WNK1: variants seen among roughly 807,000 people sequenced by gnomAD.
WNK1 encodes serine/threonine-protein kinase WNK1.
In WNK1, 38 loss-of-function variants were observed where a neutral mutation model predicts 222.8. The ratio of observed to expected loss-of-function variants is 0.17; its 90% CI spans 0.13 to 0.22. The LOEUF is 0.22. Among genes scored for constraint, WNK1 ranks in the 10% least tolerant of loss-of-function variants. WNK1 has a pLI of 1.00. For missense variants in WNK1, 2,348 were observed against 2,918.4 expected, an observed-to-expected ratio of 0.80 and a Z score of 4.50; for synonymous variants, 1,090 against 1,092.9, an observed-to-expected ratio of 1.00 and a Z score of 0.05.
chr12:864,943 ATGTGCTATGTTGAGTTATAGC>A, intron 8 of WNK1, among the ~76,000 whole-genome samples: 3 of 149,840 alleles, frequency 2.0e-5, no homozygotes, highest in Non-Finnish European at 4.4e-5. Flanking sequence ...GATCTGTCAG[ATGTGCTATGTTGAGTTATAGC>A]TCTCCTCAAA....
intron 1 of WNK1, among the ~76,000 whole-genome samples, chr12:777,158 G>GTTTTTTT (rs560869282): frequency 2.3e-5 from 3 of 131,156 alleles, no homozygotes; most frequent in Non-Finnish European, 5.0e-5. Context: ...GATTTTTTTT[G>GTTTTTTT]TTTTTTTTTT....
At chr12:793,911 A>G (rs1462047091) in intron 1 of WNK1, among the ~76,000 whole-genome samples, 4 of 152,006 alleles carry the variant, frequency 2.6e-5, no homozygotes, top group Non-Finnish European at 4.4e-5. Flanking sequence ...AAAAAAGAAA[A>G]CTCCATTTCC....
intron 4 of WNK1, 143 bp from the exon 5 acceptor site, chr12:857,018 C>G: frequency 1.3e-6 from 1 of 793,512 alleles, no homozygotes; most frequent in Middle Eastern, 3.1e-4. Context: ...AACTGTGACA[C>G]TGCATGGACC....
chr12:890,354 T>C, intron 21 of WNK1, 99 bp from the exon 22 acceptor site: 1 of 1,184,328 alleles, frequency 8.4e-7, no homozygotes, highest in Admixed American at 1.7e-5. Context: ...ATATACTGTC[T>C]TTCTGCCCTT....
At chr12:881,880 C>G (rs56204961) in intron 13 of WNK1, 31 bp from the exon 14 acceptor site, 2 of 1,614,012 alleles carry the variant, frequency 1.2e-6, no homozygotes, top group Non-Finnish European at 1.7e-6. Context: ...ATATTATAAA[C>G]TGCACTTTTT....
rs1954733463 is a variant in WNK1 at position 896,379 on chromosome 12, G to A, written c.5892G>A (p.Glu1964=). ...KVGRFSVSKT[E]DKITDTKKEG... ...GTCGTTTCTCTGTATCAAAAACTGA[G>A]GACAAGATCACTGACACAAAGAAAG... is the stretch of plus-strand genomic sequence containing the variant. Residue 1964 remains glutamate (E), a synonymous_variant, in exon 24 of 28, where the codon GAG becomes GAA. Transcript: ENST00000315939. 3 of 1,613,976 alleles carry A rather than the reference G, an allele frequency of 1.9e-6. No homozygotes were observed. The highest frequency in any genetic ancestry group is 2.7e-5 in the African/African-American group (2 of 74,874).
chr12:906,837 C>T, intron 26 of WNK1: 1 of 745,622 alleles, frequency 1.3e-6, no homozygotes, highest in Non-Finnish European at 1.6e-6. Context: ...CCCAGCAGTT[C>T]ATGACTAAGC....
At position 886,011 on chromosome 12, in the gene WNK1, C is replaced by T. The variant is rs970481024; in HGVS notation, c.5207C>T (p.Thr1736Ile). The change falls in exon 19 of 28, where the codon ACC becomes ATC. Residue 1736 changes from threonine (T) to isoleucine (I), a missense_variant. Transcript: ENST00000315939. ...GTGGTCACACCTGGGCAAGTTTCTA[C>T]CCCAGTCAGCACTACTACATCAGGA... ...TPVVTPGQVS[T>I]PVSTTTSGVK... The T allele has an allele frequency of 5.6e-6, 9 of 1,593,054 alleles. No individual in the cohort carries two copies. In the African/African-American group the frequency reaches 1.1e-4, roughly 19 times the overall value.
chr12:790,208 A>T (rs532078183), intron 1 of WNK1, among the ~76,000 whole-genome samples: 1 of 152,336 alleles, frequency 6.6e-6, no homozygotes, highest in South Asian at 2.1e-4. Flanking sequence ...GTAGAATAGA[A>T]GGAAATGACT....
rs11064573 is a variant in WNK1 at position 859,234 on chromosome 12, C to A, written c.1401-11C>A. The A allele has an allele frequency of 0.15, 237,282 of 1,600,484 alleles. 19,311 individuals are homozygous for A. Among genetic ancestry groups the A allele is most frequent in the Middle Eastern group, 0.2 (1,233 of 6,034 alleles). On this transcript the variant is annotated splice_polypyrimidine_tract_variant and intron_variant, in intron 5 of 27. Coordinates refer to ENST00000315939, the MANE Select transcript of WNK1 (RefSeq NM_018979.4). ...TATTTTTGTTCCTTTTCTTTTCCCT[C>A]TGTTTGGAAGATATTCCATCAAAGA... is the stretch of plus-strand genomic sequence containing the variant.
chr12:861,457 A>G (rs947080663), intron 7 of WNK1, 114 bp downstream of exon 7: 8 of 953,664 alleles, frequency 8.4e-6, no homozygotes, highest in African/African-American at 1.6e-5. Context: ...CTACTATTAT[A>G]CAAAATTTGA....
intron 25 of WNK1, among the ~76,000 whole-genome samples, chr12:899,207 A>G (rs767113771): frequency 6.6e-6 from 1 of 152,232 alleles, no homozygotes; most frequent in Non-Finnish European, 1.5e-5. Flanking sequence ...AGATATCCAA[A>G]TGTAGCACAT....
At chr12:857,584 C>T (rs1950880872) in intron 5 of WNK1, among the ~76,000 whole-genome samples, 1 of 152,196 alleles carries the variant, frequency 6.6e-6, no homozygotes, top group Admixed American at 6.5e-5. Context: ...TTTCTTAGTC[C>T]TTTACCATTG....
intron 4 of WNK1, among the ~76,000 whole-genome samples, chr12:842,602 G>A (rs1354355288): frequency 6.6e-6 from 1 of 152,128 alleles, no homozygotes; most frequent in Admixed American, 6.5e-5. Context: ...TTCCCTTGGT[G>A]TAGTCCGTAA....
Position 896,265 on chromosome 12 carries a change from C to T in WNK1, c.5778C>T (p.His1926=). ...CTTCAGATGTGCCAGAGAGTGCCCA[C>T]AAAACTACTGCCTCAGAGGCAAAGT... ...GISSDVPESA[H]KTTASEAKSD... Residue 1926 remains histidine (H), a synonymous_variant, in exon 24 of 28, where the codon CAC becomes CAT. Coordinates refer to ENST00000315939, the MANE Select transcript of WNK1 (RefSeq NM_018979.4). 2.5e-6 allele frequency: 4 copies of T among 1,614,186 alleles called. No individual in the cohort carries two copies. Among genetic ancestry groups the T allele is most frequent in the Non-Finnish European group, 3.4e-6 (4 of 1,180,034 alleles).
intron 9 of WNK1, among the ~76,000 whole-genome samples, chr12:877,284 T>A (rs1952718338): frequency 6.6e-6 from 1 of 152,106 alleles, no homozygotes; most frequent in African/African-American, 2.4e-5. Flanking sequence ...AGGCTGGTCT[T>A]GAACTCTGGA....
At chr12:829,775 G>A (rs1948654098) in intron 3 of WNK1, 2 of 564,868 alleles carry the variant, frequency 3.5e-6, no homozygotes, top group Non-Finnish European at 6.3e-6. Flanking sequence ...ATAGATCCTT[G>A]ACCTTATTCC....
Position 896,533 on chromosome 12 carries a change from G to C in WNK1, c.6046G>C (p.Ala2016Pro). ...HLNGPSSDPE[A>P]AFLSRDVDDG... ...AAATGGGCCGTCTTCTGACCCGGAG[G>C]CCGCTTTTTTAAGTAGGGATGTGGA... Residue 2016 changes from alanine (A) to proline (P), a missense_variant, in exon 24 of 28, where the codon GCC becomes CCC. This residue lies in a region of WNK1 where 1,144 missense variants were observed against 1,273.6 expected (regional missense o/e 0.90). Coordinates refer to ENST00000315939, the MANE Select transcript of WNK1 (RefSeq NM_018979.4). The C allele has an allele frequency of 6.2e-7, 1 of 1,613,372 alleles. No individual in the cohort carries two copies. The highest frequency in any genetic ancestry group is 8.5e-7 in the Non-Finnish European group (1 of 1,179,918).
At chr12:855,797 C>T (rs1393107078) in intron 4 of WNK1, among the ~76,000 whole-genome samples, 8 of 152,034 alleles carry the variant, frequency 5.3e-5, no homozygotes, top group African/African-American at 1.7e-4. Context: ...TTTGTTCTTA[C>T]ATCTTATGTA....
Sources: gnomAD v4.1 joint callset for allele counts (sites outside exome capture counted in the v4.1 genomes callset) on GRCh38, gnomAD v4.1.1 for gene constraint, gnomAD v4.1.1 regional missense constraint, MANE v1.5 for transcripts, NCBI Gene and HGNC (gene_info 2026-07-23, HGNC 2026-07-21) for gene names.